The following TBK1 variants were observed in gnomAD, a reference collection of about 807,000 sequenced individuals.
TBK1 encodes TANK binding kinase 1.
Under a neutral mutation model 99.9 loss-of-function variants are expected in TBK1, and 37 were observed. The observed-to-expected ratio is 0.37, with a 90% CI of 0.28 to 0.49. TBK1 has a LOEUF of 0.49. Ranked by LOEUF, TBK1 falls within the 20% of genes least tolerant of loss-of-function variation. The pLI, the probability that TBK1 is intolerant of heterozygous loss-of-function variation, is 0.98. For synonymous variants in TBK1, 258 were observed against 279.8 expected (o/e 0.92, Z 0.78); for missense variants, 644 against 872.5 (o/e 0.74, Z 3.30).
intron 2 of TBK1, among the ~76,000 whole-genome samples, chr12:64,456,364 C>A (rs994488583): frequency 6.6e-6 from 1 of 152,084 alleles, no homozygotes; most frequent in Non-Finnish European, 1.5e-5. Context: ...ACAGGTGTTT[C>A]TGATAGGCTC....
chr12:64,484,265 C>T, intron 8 of TBK1, 38 bp from the exon 9 acceptor site: 1 of 1,396,946 alleles, frequency 7.2e-7, no homozygotes, highest in Non-Finnish European at 9.9e-7. Context: ...CTCACTTTAT[C>T]CCCAGTTATA....
chr12:64,464,759 A>C (rs1435759365), intron 4 of TBK1, among the ~76,000 whole-genome samples: 1 of 152,186 alleles, frequency 6.6e-6, no homozygotes, highest in Non-Finnish European at 1.5e-5. Flanking sequence ...AAAGCCAAAT[A>C]ACCCAATTTA....
intron 13 of TBK1, among the ~76,000 whole-genome samples, chr12:64,494,374 G>A (rs2040903882): frequency 6.6e-6 from 1 of 152,108 alleles, no homozygotes; most frequent in Non-Finnish European, 1.5e-5. Flanking sequence ...ATCTACTCAG[G>A]AGGCTTAAGG....
At chr12:64,464,238 A>G in intron 3 of TBK1, 96 bp from the exon 4 acceptor site, 9 of 1,020,292 alleles carry the variant, frequency 8.8e-6, no homozygotes, top group Non-Finnish European at 1.2e-5. Flanking sequence ...TCATCATTGT[A>G]GCAAATCCTA....
rs746056793 is a variant in TBK1, at chr12:64,485,518, GTAT to G, written c.1248+7_1248+9del. On this transcript the variant is annotated splice_donor_region_variant and intron_variant, in intron 10 of 20. Coordinates refer to ENST00000331710, the MANE Select transcript of TBK1 (RefSeq NM_013254.4). ...GGGGATGCTAGCATGGCTAAGGTTA[GTAT>G]TTAATTTAATTACTATGTAAACATC... The G allele has an allele frequency of 6.7e-7, 1 of 1,492,374 alleles. No homozygotes were observed. Among genetic ancestry groups the G allele is most frequent in the Non-Finnish European group, 9.2e-7 (1 of 1,086,174 alleles). The allele number at this position is 1,492,374 out of a possible 1,614,324, so 92.4% of individuals were successfully genotyped here.
intron 6 of TBK1, 146 bp downstream of exon 6, chr12:64,474,536 T>G: frequency 1.3e-6 from 1 of 776,556 alleles, no homozygotes; most frequent in African/African-American, 1.8e-5. Context: ...TTAAAAAGAA[T>G]GCAGCCTTAT....
chr12:64,460,299 T>C lies in TBK1; in HGVS notation c.198T>C (p.Asn66=), dbSNP rs761175293. The C allele has an allele frequency of 2.5e-6, 4 of 1,571,598 alleles. No homozygotes were observed. The highest frequency in any genetic ancestry group is 3.6e-5 in the Admixed American group (2 of 55,468). The part of the protein sequence containing the change: ...FEVLKKLNHK[N]IVKLFAIEEE... ...TGTTGAAAAAACTCAATCACAAAAA[T>C]ATTGTCAAATTATTTGCTATTGAAG... The change falls in exon 3 of 21, where the codon AAT becomes AAC. Residue 66 remains asparagine (N), a synonymous_variant. Coordinates refer to ENST00000331710, the MANE Select transcript of TBK1 (RefSeq NM_013254.4).
chr12:64,453,629 AT>A (rs2040453521), intron 1 of TBK1, among the ~76,000 whole-genome samples: 1 of 152,202 alleles, frequency 6.6e-6, no homozygotes, highest in Non-Finnish European at 1.5e-5. Context: ...GTGGTCATTA[AT>A]TCATCACAGA....
rs11175416 is a variant in TBK1 at position 64,496,729 on chromosome 12, C to T, written c.1761-220C>T. ...ACTTAACTACCGTCTTAATTTTAAC[C>T]GCATTCAATAGGCATTTTTTTTACA... is the stretch of plus-strand genomic sequence containing the variant. On this transcript the variant is annotated intron_variant, in intron 16 of 20. Coordinates refer to ENST00000331710, the MANE Select transcript of TBK1 (RefSeq NM_013254.4). Among the ~76,000 whole-genome samples the T allele has an allele frequency of 0.024, 3,675 of 152,228 alleles. 63 individuals carry two copies. Among genetic ancestry groups the T allele is most frequent in the Non-Finnish European group, 0.033 (2,232 of 68,006 alleles).
intron 4 of TBK1, 130 bp downstream of exon 4, chr12:64,464,593 A>G (rs753090385): frequency 1.6e-6 from 1 of 639,202 alleles, no homozygotes; most frequent in Non-Finnish European, 2.3e-6. Context: ...AAAAGCACAA[A>G]TACCAGAAAT....
intron 11 of TBK1, among the ~76,000 whole-genome samples, chr12:64,486,645 G>C (rs1254656373): frequency 6.6e-6 from 1 of 151,498 alleles, no homozygotes; most frequent in Admixed American, 6.6e-5. Flanking sequence ...TGTTGCCCAG[G>C]CTGGTCTCAA....
At chr12:64,499,693 CTTTTTTTTTTT>C (rs56725684) in intron 20 of TBK1, among the ~76,000 whole-genome samples, 1 of 82,942 alleles carries the variant, frequency 1.2e-5, no homozygotes. Context: ...TAAAGATGTG[CTTTTTTTTTTT>C]TTTTTTTTTT....
Position 64,497,022 on chromosome 12 carries a change from T to G in TBK1, c.1834T>G (p.Phe612Val). The G allele has an allele frequency of 6.2e-7, 1 of 1,613,154 alleles. No homozygotes were observed. ...TGAATGTGTTAAAAAGTATGAGGCA[T>G]TTTTGAATAAGTCAGAAGAATGGAT... is the stretch of plus-strand genomic sequence containing the variant. The part of the protein sequence containing the change: ...TDECVKKYEA[F>V]LNKSEEWIRK... The change falls in exon 17 of 21, where the codon TTT (phenylalanine) becomes GTT (valine). Residue 612 changes from phenylalanine (F) to valine (V), a missense_variant. Phe to Val is a conservative substitution (Grantham distance 50, BLOSUM62 -1). Transcript: ENST00000331710.
chr12:64,487,421 CT>C (rs897066309), intron 11 of TBK1, among the ~76,000 whole-genome samples: 2 of 151,198 alleles, frequency 1.3e-5, no homozygotes, highest in East Asian at 1.9e-4. Flanking sequence ...TTTTAGGCTC[CT>C]TTTTTTTTCT....
At chr12:64,464,541 A>G in intron 4 of TBK1, 78 bp downstream of exon 4, 2 of 1,176,504 alleles carry the variant, frequency 1.7e-6, no homozygotes, top group Non-Finnish European at 2.3e-6. Context: ...CTTCCATTCA[A>G]AACTGAAGAC....
rs1430039728 is a variant in TBK1, at chr12:64,498,181, T to G, written c.2138+142T>G. 3 of 659,810 alleles carry G rather than the reference T, an allele frequency of 4.5e-6. No individual in the cohort carries two copies. In the East Asian group the frequency reaches 9.3e-5, roughly 20 times the overall value. The allele number at this position is 659,810 out of a possible 1,614,324, so 40.9% of individuals were successfully genotyped here. ...ACTCATGTTTTTCTCTCTATGATTGTGTATCTGTGATGCCTTTTAATGGTT... is the reference window on the plus strand; with the variant it reads ...ACTCATGTTTTTCTCTCTATGATTGGGTATCTGTGATGCCTTTTAATGGTT... On this transcript the variant is annotated intron_variant, in intron 20 of 20. Transcript: ENST00000331710.
chr12:64,495,712 C>T lies in TBK1; in HGVS notation c.1657C>T (p.Gln553Ter). The change falls in exon 15 of 21, where the codon CAA becomes TAA. Residue 553 changes from glutamine (Q) to a stop codon, truncating the protein, a stop_gained. Transcript: ENST00000331710. LOFTEE classifies it high-confidence loss of function. ...HPKDRNVEKL[Q>*]VLLNCMTEIY... is the part of the protein sequence containing the mutation. ...TTCCTTAAATAGTGTAGAAAAACTA[C>T]AAGTCCTGTTAAATTGCATGACAGA... The T allele has an allele frequency of 6.2e-7, 1 of 1,609,926 alleles. No individual in the cohort carries two copies. The highest frequency in any genetic ancestry group is 1.1e-5 in the South Asian group (1 of 90,174).
chr12:64,469,733 TAGATA>T (rs974773065), intron 5 of TBK1, among the ~76,000 whole-genome samples: 1 of 152,168 alleles, frequency 6.6e-6, no homozygotes, highest in Non-Finnish European at 1.5e-5. Flanking sequence ...ATTCAATGAT[TAGATA>T]AGATAACTTG....
At chr12:64,487,416 G>C (rs144874154) in intron 11 of TBK1, among the ~76,000 whole-genome samples, 1 of 151,962 alleles carries the variant, frequency 6.6e-6, no homozygotes, top group African/African-American at 2.4e-5. Context: ...ACTCTTTTTA[G>C]GCTCCTTTTT....
Sources: allele counts gnomAD v4.1 joint callset (sites outside exome capture counted in the v4.1 genomes callset), GRCh38; gene constraint gnomAD v4.1.1; transcripts MANE v1.5; gene names NCBI Gene and HGNC (gene_info 2026-07-23, HGNC 2026-07-21).